Variants in MTUS1 observed in about 807,000 individuals in gnomAD.
MTUS1 encodes microtubule associated scaffold protein 1, also known as microtubule-associated tumor suppressor 1.
In MTUS1, 109 loss-of-function variants were observed where a neutral mutation model predicts 120.8. The ratio of observed to expected loss-of-function variants is 0.90; its 90% CI spans 0.77 to 1.06. MTUS1 has a LOEUF of 1.06. Among genes scored for constraint, MTUS1 ranks in the 50% least tolerant of loss-of-function variants. The pLI is 0.00. For missense variants in MTUS1, 2,210 were observed against 1,486.3 expected (o/e 1.49, Z -8.01); for synonymous variants, 737 against 550.5 (o/e 1.34, Z -4.74).
At chr8:17,744,647 T>G (rs565363442) in intron 2 of MTUS1, among the ~76,000 whole-genome samples, 161 of 151,270 alleles carry the variant, frequency 1.1e-3, no homozygotes, top group African/African-American at 3.7e-3. Flanking sequence ...ATTTTTTTTT[T>G]GGCATTTTAT....
At chr8:17,726,107 C>T (rs1254826764) in intron 3 of MTUS1, among the ~76,000 whole-genome samples, 1 of 152,072 alleles carries the variant, frequency 6.6e-6, no homozygotes, top group African/African-American at 2.4e-5. Flanking sequence ...CCTTTCTATC[C>T]CCTCCCCTAT....
intron 1 of MTUS1, among the ~76,000 whole-genome samples, chr8:17,788,419 T>C (rs183924712): frequency 1.3e-5 from 2 of 152,298 alleles, no homozygotes; most frequent in East Asian, 3.9e-4. Flanking sequence ...AACCCTTAAA[T>C]GTTGACGATA....
intron 7 of MTUS1, among the ~76,000 whole-genome samples, chr8:17,675,686 T>TA (rs1348353725): frequency 6.6e-6 from 1 of 152,156 alleles, no homozygotes; most frequent in Non-Finnish European, 1.5e-5. Context: ...TATTTGCACA[T>TA]AAAAAAGTTT....
chr8:17,728,904 G>T (rs539315340), intron 3 of MTUS1, among the ~76,000 whole-genome samples: 3 of 152,160 alleles, frequency 2.0e-5, no homozygotes, highest in African/African-American at 4.8e-5. Flanking sequence ...TAGTGTACCA[G>T]CACCTGCCAG....
At chr8:17,678,388 G>T (rs1046785275) in intron 7 of MTUS1, among the ~76,000 whole-genome samples, 13 of 151,764 alleles carry the variant, frequency 8.6e-5, no homozygotes. Context: ...TGGAAATCTG[G>T]ATATAAAGAT....
chr8:17,700,058 A>G (rs1015116075), intron 6 of MTUS1, among the ~76,000 whole-genome samples: 2 of 152,226 alleles, frequency 1.3e-5, no homozygotes, highest in Non-Finnish European at 2.9e-5. Flanking sequence ...GTTATTTTTA[A>G]AAGTCTTAAT....
At chr8:17,778,446 G>A (rs565803442) in intron 1 of MTUS1, among the ~76,000 whole-genome samples, 11 of 152,314 alleles carry the variant, frequency 7.2e-5, no homozygotes, top group African/African-American at 2.6e-4. Context: ...AGCTACAGGT[G>A]TTTGTCAAAA....
At position 17,644,588 on chromosome 8, in the gene MTUS1, A is replaced by G. The variant is rs910776779; in HGVS notation, c.*1338T>C. On this transcript the variant is annotated 3_prime_UTR_variant, in exon 15 of 15. Coordinates refer to ENST00000693296, the MANE Select transcript of MTUS1 (RefSeq NM_001363059.2). ...TCCACTCATGGGAAAGAAGCGGACC[A>G]TTCTGCTACTTTCCCAAAGACAAAG... The G allele has an allele frequency of 6.6e-6, 1 of 152,320 alleles. No homozygotes were observed. The highest frequency in any genetic ancestry group is 1.5e-5 in the Non-Finnish European group (1 of 68,034). The allele number at this position is 152,320 out of a possible 1,614,324, so 9.4% of individuals were successfully genotyped here.
At chr8:17,723,213 C>T (rs571354155) in intron 4 of MTUS1, 51 of 179,102 alleles carry the variant, frequency 2.8e-4, no homozygotes, top group Middle Eastern at 3.0e-3. Flanking sequence ...GAAAATAGAA[C>T]TCACGTTAAC....
In MTUS1 at chr8:17,753,567, G is replaced by C. The variant is rs185704526; in HGVS notation, c.2091+150C>G. On this transcript the variant is annotated intron_variant, in intron 2 of 14. Transcript: ENST00000693296. ...TGTATTGAAACCTATTAACACCCCA[G>C]TACTGACAAGACAATGAATTAACAA... is the stretch of plus-strand genomic sequence containing the variant. 5.5e-3 allele frequency: 3,221 copies of C among 585,490 alleles called. 37 individuals are homozygous for C. Among genetic ancestry groups the C allele is most frequent in the South Asian group, 0.018 (699 of 38,282 alleles). The allele number at this position is 585,490 out of a possible 1,614,324, so 36.3% of individuals were successfully genotyped here.
chr8:17,726,675 T>C (rs1422057638), intron 3 of MTUS1, among the ~76,000 whole-genome samples: 4 of 152,186 alleles, frequency 2.6e-5, no homozygotes, highest in African/African-American at 9.7e-5. Context: ...TTAGCAACTG[T>C]TAGATAGCAA....
chr8:17,737,769 G>T (rs551116866), intron 3 of MTUS1, among the ~76,000 whole-genome samples: 1 of 152,294 alleles, frequency 6.6e-6, no homozygotes, highest in Middle Eastern at 3.4e-3. Context: ...TCACAGATGT[G>T]AGCCACCATG....
chr8:17,724,070 A>G, intron 3 of MTUS1: 1 of 581,880 alleles, frequency 1.7e-6, no homozygotes. Context: ...GAAGTGTAGG[A>G]GTAACCCTGT....
intron 2 of MTUS1, among the ~76,000 whole-genome samples, chr8:17,745,363 T>G (rs765363296): frequency 6.6e-6 from 1 of 152,228 alleles, no homozygotes; most frequent in Non-Finnish European, 1.5e-5. Context: ...GATCATTACT[T>G]ACAACATCTA....
At chr8:17,796,380 T>C (rs985399940) in intron 1 of MTUS1, among the ~76,000 whole-genome samples, 4 of 6,632 alleles carry the variant, frequency 6.0e-4, no homozygotes, top group Non-Finnish European at 1.1e-3. Context: ...AGTTATTTTG[T>C]AATCAAGATT....
chr8:17,669,598 C>G (rs1275699743), intron 8 of MTUS1, among the ~76,000 whole-genome samples: 1 of 152,118 alleles, frequency 6.6e-6, no homozygotes, highest in Non-Finnish European at 1.5e-5. Flanking sequence ...ATAATCCCAA[C>G]ACTTTGGGAG....
chr8:17,695,907 G>C (rs1817848955), intron 6 of MTUS1, among the ~76,000 whole-genome samples: 1 of 152,166 alleles, frequency 6.6e-6, no homozygotes, highest in Admixed American at 6.5e-5. Flanking sequence ...AGCAGACAGG[G>C]ACTCTGGGTA....
chr8:17,661,516 A>C (rs1222596516), intron 8 of MTUS1, among the ~76,000 whole-genome samples: 1 of 152,178 alleles, frequency 6.6e-6, no homozygotes, highest in East Asian at 1.9e-4. Flanking sequence ...ATTTTAACAC[A>C]TCTGTTTATG....
At chr8:17,747,348 G>C (rs765509126) in intron 2 of MTUS1, among the ~76,000 whole-genome samples, 1 of 152,090 alleles carries the variant, frequency 6.6e-6, no homozygotes, top group Non-Finnish European at 1.5e-5. Context: ...TCCCCTATAA[G>C]CCTTCCTTGA....
Sources: allele counts gnomAD v4.1 joint callset (sites outside exome capture counted in the v4.1 genomes callset), GRCh38; gene constraint gnomAD v4.1.1; transcripts MANE v1.5; gene names NCBI Gene and HGNC (gene_info 2026-07-23, HGNC 2026-07-21).